The following NECAB1 variants were observed in gnomAD, a reference collection of about 807,000 sequenced individuals.
The protein encoded by NECAB1 is N-terminal EF-hand calcium binding protein 1, also known as N-terminal EF-hand calcium-binding protein 1.
NECAB1 carries 29 observed loss-of-function variants against 57.5 expected under a neutral mutation model. That is an observed-to-expected ratio of 0.50 (90% CI 0.38 to 0.69). The LOEUF (loss-of-function observed/expected upper bound fraction) is 0.69. Among genes scored for constraint, NECAB1 ranks in the 30% least tolerant of loss-of-function variants. The pLI, the probability that NECAB1 is intolerant of heterozygous loss-of-function variation, is 0.00. For synonymous variants in NECAB1, 142 were observed against 147.7 expected (o/e 0.96, Z 0.28); for missense variants, 372 against 413.8 (o/e 0.90, Z 0.88).
chr8:90,942,000 T>C (rs986543651), intron 10 of NECAB1, among the ~76,000 whole-genome samples: 1 of 152,218 alleles, frequency 6.6e-6, no homozygotes, highest in African/African-American at 2.4e-5. Context: ...TGTGTGTACA[T>C]GTGTGCATAA....
intron 2 of NECAB1, among the ~76,000 whole-genome samples, chr8:90,808,640 C>CT (rs200075536): frequency 0.022 from 1,826 of 81,232 alleles, 47 homozygotes; most frequent in Middle Eastern, 0.029. Context: ...TTTTTCTTTT[C>CT]TTTTTTTTTT....
In NECAB1 at chr8:90,797,394, C is replaced by T. The variant is rs530625241; in HGVS notation, c.100-4297C>T. 2.0e-5 allele frequency among the ~76,000 whole-genome samples: 3 copies of T among 152,200 alleles called. No individual in the cohort carries two copies. The South Asian group carries it at 6.2e-4, about 32-fold the overall frequency. ...TGGCAATGATTAGATTTATCTATAC[C>T]TCATTTCCGTGAAGTTGGCAGAATG... On this transcript the variant is annotated intron_variant, in intron 1 of 12. Transcript: ENST00000417640.
chr8:90,842,221 G>A (rs1483554883), intron 3 of NECAB1, among the ~76,000 whole-genome samples: 3 of 152,126 alleles, frequency 2.0e-5, no homozygotes, highest in South Asian at 2.1e-4. Context: ...ATAAAAAGGT[G>A]GAGCCTGGGG....
intron 2 of NECAB1, among the ~76,000 whole-genome samples, chr8:90,801,993 T>A (rs1343387668): frequency 6.6e-6 from 1 of 152,234 alleles, no homozygotes; most frequent in Non-Finnish European, 1.5e-5. Context: ...AAAATAATTT[T>A]GCAGCAATAG....
chr8:90,909,043 A>G lies in NECAB1; in HGVS notation c.358-8449A>G, dbSNP rs555863450. Among the ~76,000 whole-genome samples the G allele has an allele frequency of 7.2e-5, 11 of 152,158 alleles. No individual in the cohort carries two copies. In the East Asian group the frequency reaches 1.2e-3, roughly 16 times the overall value. On this transcript the variant is annotated intron_variant, in intron 5 of 12. Coordinates refer to ENST00000417640, the MANE Select transcript of NECAB1 (RefSeq NM_022351.5). The stretch of plus-strand genomic sequence containing the variant: ...ATGGTTTAGGCTTTACTGATTGCCA[A>G]TCATGGTACAAGTAAGCACGTTCTT...
intron 2 of NECAB1, among the ~76,000 whole-genome samples, chr8:90,823,918 A>C (rs1367031691): frequency 6.6e-6 from 1 of 151,624 alleles, no homozygotes; most frequent in Non-Finnish European, 1.5e-5. Context: ...ATTTTGTACA[A>C]ATCTTTTGCC....
At chr8:90,885,464 A>T (rs1808958051) in intron 5 of NECAB1, among the ~76,000 whole-genome samples, 2 of 152,210 alleles carry the variant, frequency 1.3e-5, no homozygotes, top group South Asian at 4.1e-4. Flanking sequence ...TATGACCAAA[A>T]AGAGAATGAG....
rs915440231 is a variant in NECAB1, at chr8:90,947,313, C to T, written c.861-2494C>T. The stretch of plus-strand genomic sequence containing the variant: ...TGGGCTAACAACACATACACACACA[C>T]ACACACACACACACACACACACACA... On this transcript the variant is annotated intron_variant, in intron 10 of 12. Transcript: ENST00000417640. 4.9e-3 allele frequency among the ~76,000 whole-genome samples: 697 copies of T among 142,946 alleles called. 30 individuals carry two copies. Among genetic ancestry groups the T allele is most frequent in the African/African-American group, 0.016 (623 of 38,338 alleles). The allele number at this position is 142,946 out of a possible 152,430, so 93.8% of individuals were successfully genotyped here.
Position 90,843,578 on chromosome 8 carries a change from T to C in NECAB1, c.233+18753T>C, listed in dbSNP as rs137985749. The stretch of plus-strand genomic sequence containing the variant: ...TATTGTTAGAGACAACTGACTATTA[T>C]ACGCTCATCCGCCAGAACAGTGAGA... On this transcript the variant is annotated intron_variant, in intron 3 of 12. Coordinates refer to ENST00000417640, the MANE Select transcript of NECAB1 (RefSeq NM_022351.5). Among the ~76,000 whole-genome samples the C allele has an allele frequency of 9.2e-5, 14 of 152,346 alleles. No homozygotes were observed. In the South Asian group the frequency reaches 2.1e-3, roughly 23 times the overall value.
At chr8:90,855,962 T>A (rs76476913) in intron 3 of NECAB1, among the ~76,000 whole-genome samples, 432 of 152,222 alleles carry the variant, frequency 2.8e-3, no homozygotes, top group Non-Finnish European at 3.7e-3. Flanking sequence ...TTTATATATG[T>A]TTGGGGGTAG....
At chr8:90,925,941 C>T (rs540781862) in intron 7 of NECAB1, among the ~76,000 whole-genome samples, 28 of 152,188 alleles carry the variant, frequency 1.8e-4, no homozygotes, top group African/African-American at 6.3e-4. Context: ...GACTTGACGT[C>T]TATAAGGACC....
chr8:90,840,871 G>A (rs554754850), intron 3 of NECAB1, among the ~76,000 whole-genome samples: 18 of 151,456 alleles, frequency 1.2e-4, no homozygotes, highest in Admixed American at 7.2e-4. Context: ...GCTATTTGTG[G>A]TGGGGGACAC....
chr8:90,852,944 G>C (rs1812713556), intron 3 of NECAB1, among the ~76,000 whole-genome samples: 5 of 152,242 alleles, frequency 3.3e-5, no homozygotes, highest in Admixed American at 3.3e-4. Flanking sequence ...TGCCCTCGCT[G>C]ATGGAGGGCA....
intron 5 of NECAB1, among the ~76,000 whole-genome samples, chr8:90,891,734 C>T (rs577084691): frequency 1.1e-3 from 164 of 151,512 alleles, no homozygotes; most frequent in Non-Finnish European, 2.0e-3. Flanking sequence ...ACTCCTGTTG[C>T]GCAGGCTAGA....
At chr8:90,872,532 A>G (rs1381222785) in intron 4 of NECAB1, 1 of 158,464 alleles carries the variant, frequency 6.3e-6, no homozygotes, top group African/African-American at 2.4e-5. Context: ...TCTTCTTGAA[A>G]TGTAAAAATA....
intron 3 of NECAB1, among the ~76,000 whole-genome samples, chr8:90,868,622 AT>A (rs1808562539): frequency 6.6e-6 from 1 of 152,190 alleles, no homozygotes; most frequent in African/African-American, 2.4e-5. Context: ...GGCGGAAGAA[AT>A]TTCTAAGCAG....
chr8:90,920,295 C>T (rs2130135823), intron 6 of NECAB1, among the ~76,000 whole-genome samples: 1 of 152,230 alleles, frequency 6.6e-6, no homozygotes, highest in African/African-American at 2.4e-5. Context: ...TAAGGTACCA[C>T]TATGGATTTA....
At chr8:90,940,750 C>T (rs1446562317) in intron 9 of NECAB1, 36 bp from the exon 10 acceptor site, 1 of 1,500,474 alleles carries the variant, frequency 6.7e-7, no homozygotes, top group Non-Finnish European at 9.1e-7. Flanking sequence ...GGCTCCGTGA[C>T]AGCCAACGCA....
chr8:90,810,385 G>A (rs187764850), intron 2 of NECAB1, among the ~76,000 whole-genome samples: 33 of 152,182 alleles, frequency 2.2e-4, no homozygotes, highest in African/African-American at 7.0e-4. Context: ...TTTAAATGCC[G>A]GAGACTGTGC....
Sources: gnomAD v4.1 joint callset for allele counts (sites outside exome capture counted in the v4.1 genomes callset) on GRCh38, gnomAD v4.1.1 for gene constraint, MANE v1.5 for transcripts, NCBI Gene and HGNC (gene_info 2026-07-23, HGNC 2026-07-21) for gene names.